ANKRD44: variants seen among roughly 807,000 people sequenced by gnomAD.
ANKRD44 encodes serine/threonine-protein phosphatase 6 regulatory ankyrin repeat subunit B.
Under a neutral mutation model 116.0 loss-of-function variants are expected in ANKRD44, and 35 were observed. The observed-to-expected ratio is 0.30, with a 90% CI of 0.23 to 0.40. The LOEUF (loss-of-function observed/expected upper bound fraction) is 0.40. Among genes scored for constraint, ANKRD44 ranks in the 10% least tolerant of loss-of-function variants. ANKRD44 has a pLI of 1.00. For missense variants in ANKRD44, 1,014 were observed against 1,242.6 expected, an observed-to-expected ratio of 0.82 and a Z score of 2.77; for synonymous variants, 435 against 461.8, an observed-to-expected ratio of 0.94 and a Z score of 0.74.
At chr2:197,090,170 T>C (rs2125175951) in intron 10 of ANKRD44, 138 bp from the exon 11 acceptor site, 1 of 623,092 alleles carries the variant, frequency 1.6e-6, no homozygotes, top group South Asian at 1.9e-5. Context: ...ATTTGGTAAT[T>C]CTTCCATTCA....
intron 1 of ANKRD44, among the ~76,000 whole-genome samples, chr2:197,277,092 T>C (rs2083113094): frequency 6.6e-6 from 1 of 151,988 alleles, no homozygotes; most frequent in African/African-American, 2.4e-5. Flanking sequence ...CAAGGCCAGC[T>C]AATTTTTTGT....
At chr2:197,066,994 G>GT in intron 16 of ANKRD44, among the ~76,000 whole-genome samples, 1 of 152,254 alleles carries the variant, frequency 6.6e-6, no homozygotes, top group African/African-American at 2.4e-5. Flanking sequence ...TAAGCCAAAA[G>GT]AACAAAGCTG....
chr2:197,048,592 A>G (rs1274327169), intron 16 of ANKRD44, among the ~76,000 whole-genome samples: 2 of 152,150 alleles, frequency 1.3e-5, no homozygotes, highest in African/African-American at 4.8e-5. Context: ...CCTATCATTG[A>G]TGGGCATTTG....
At chr2:196,996,825 A>G (rs2076020676) in intron 25 of ANKRD44, among the ~76,000 whole-genome samples, 1 of 148,534 alleles carries the variant, frequency 6.7e-6, no homozygotes, top group Non-Finnish European at 1.5e-5. Context: ...AATCACTTGA[A>G]CTTGGGAGGC....
chr2:197,039,592 T>C (rs2076869124), intron 16 of ANKRD44, among the ~76,000 whole-genome samples: 1 of 152,140 alleles, frequency 6.6e-6, no homozygotes, highest in South Asian at 2.1e-4. Context: ...TATATTGTGT[T>C]CTATCAGTGG....
chr2:197,045,324 G>C (rs1227919579), intron 16 of ANKRD44, among the ~76,000 whole-genome samples: 1 of 152,074 alleles, frequency 6.6e-6, no homozygotes, highest in African/African-American at 2.4e-5. Context: ...GGTTGCCATG[G>C]TCTCAACTGC....
At chr2:197,010,299 C>G (rs904075130) in intron 18 of ANKRD44, among the ~76,000 whole-genome samples, 8 of 152,174 alleles carry the variant, frequency 5.3e-5, no homozygotes, top group Admixed American at 2.6e-4. Context: ...CTCAGCCCCA[C>G]GGTCACCGAG....
At chr2:197,143,962 G>A (rs1488381264) in intron 3 of ANKRD44, among the ~76,000 whole-genome samples, 1 of 152,022 alleles carries the variant, frequency 6.6e-6, no homozygotes, top group African/African-American at 2.4e-5. Flanking sequence ...TCCTTTTTCT[G>A]TGCACTCTGC....
intron 16 of ANKRD44, among the ~76,000 whole-genome samples, chr2:197,060,396 G>A (rs1013388140): frequency 3.3e-5 from 5 of 152,118 alleles, no homozygotes; most frequent in African/African-American, 9.7e-5. Context: ...TTTTATTGAG[G>A]AGTAACTGAC....
intron 9 of ANKRD44, among the ~76,000 whole-genome samples, chr2:197,107,107 T>A (rs2078450769): frequency 6.6e-6 from 1 of 152,178 alleles, no homozygotes; most frequent in South Asian, 2.1e-4. Context: ...GCAGAGCATG[T>A]CAGAAAGGAT....
rs1469233688 is a variant in ANKRD44, at chr2:197,081,690, T to C, written c.1493A>G (p.Glu498Gly). 6.2e-7 allele frequency: 1 copy of C among 1,614,034 alleles called. No homozygotes were observed. Among genetic ancestry groups the C allele is most frequent in the Non-Finnish European group, 8.5e-7 (1 of 1,179,898 alleles). ...TILGNAHDNS[E>G]ELERARELKE... ...CAGCTCCCTGGCTCTTTCAAGTTCT[T>C]CTGAATTATCATGGGCATTTCCTAA... Residue 498 changes from glutamate (E) to glycine (G), a missense_variant, in exon 15 of 28, where the codon GAA becomes GGA. Glu to Gly is a moderately conservative substitution (Grantham distance 98, BLOSUM62 -2). Transcript: ENST00000282272.
At chr2:196,971,189 A>G (rs1239897463) in intron 21 of ANKRD44, among the ~76,000 whole-genome samples, 1 of 152,164 alleles carries the variant, frequency 6.6e-6, no homozygotes, top group African/African-American at 2.4e-5. Flanking sequence ...CTATAACATT[A>G]TAGAGTAGGT....
chr2:197,026,123 T>C lies in ANKRD44; in HGVS notation c.1651-856A>G, dbSNP rs117127880. 1.0e-3 allele frequency among the ~76,000 whole-genome samples: 156 copies of C among 150,368 alleles called. 3 individuals carry two copies. The East Asian group carries it at 0.03, about 29-fold the overall frequency. The stretch of plus-strand genomic sequence containing the variant: ...TAGGGATTCAATCCTAATAAATAGA[T>C]GAGTGCACAATAGTGCATATTGTAA... On this transcript the variant is annotated intron_variant, in intron 16 of 27. Coordinates refer to ENST00000282272, the MANE Select transcript of ANKRD44 (RefSeq NM_001195144.2).
intron 9 of ANKRD44, among the ~76,000 whole-genome samples, chr2:197,100,892 T>C (rs1204885425): frequency 2.6e-5 from 4 of 152,206 alleles, no homozygotes; most frequent in Non-Finnish European, 5.9e-5. Context: ...CTCTCCCTTT[T>C]TCGTGTGTGT....
intron 10 of ANKRD44, among the ~76,000 whole-genome samples, chr2:197,095,688 C>T (rs2078144900): frequency 6.6e-6 from 1 of 152,292 alleles, no homozygotes; most frequent in East Asian, 1.9e-4. Flanking sequence ...CCCTTACTGG[C>T]TTTGTGACTT....
intron 1 of ANKRD44, among the ~76,000 whole-genome samples, chr2:197,221,304 G>A (rs2081580092): frequency 6.6e-6 from 1 of 151,316 alleles, no homozygotes; most frequent in Admixed American, 6.6e-5. Context: ...CAGAGACAGA[G>A]TCTTACTCTG....
At chr2:197,001,669 G>T in intron 22 of ANKRD44, 84 bp downstream of exon 22, 1 of 967,414 alleles carries the variant, frequency 1.0e-6, no homozygotes, top group Non-Finnish European at 1.5e-6. Flanking sequence ...TAATCTAAAA[G>T]ACTTTTTTCC....
At chr2:197,158,977 GCAAA>G (rs1385524535) in intron 2 of ANKRD44, among the ~76,000 whole-genome samples, 6 of 109,554 alleles carry the variant, frequency 5.5e-5, no homozygotes, top group African/African-American at 1.7e-4. Context: ...TCAGCAAAGA[GCAAA>G]CAAACACACA....
At chr2:196,982,099 T>TA (rs1269679056), downstream of ANKRD44, among the ~76,000 whole-genome samples, 12 of 132,850 alleles carry the variant, frequency 9.0e-5, no homozygotes, top group South Asian at 2.5e-4. Flanking sequence ...TTGTCAATAC[T>TA]AAAAAAAATT....
Sources: gnomAD v4.1 joint callset for allele counts (sites outside exome capture counted in the v4.1 genomes callset) on GRCh38, gnomAD v4.1.1 for gene constraint, MANE v1.5 for transcripts, NCBI Gene and HGNC (gene_info 2026-07-23, HGNC 2026-07-21) for gene names.